SMAP1: variants seen among roughly 807,000 people sequenced by gnomAD.
SMAP1 encodes the protein small ArfGAP 1, also known as stromal membrane-associated protein 1.
Under a neutral mutation model 58.5 loss-of-function variants are expected in SMAP1, and 24 were observed. That is an observed-to-expected ratio of 0.41 (90% CI 0.30 to 0.58). The LOEUF is 0.58. Ranked by LOEUF, SMAP1 falls within the 20% of genes least tolerant of loss-of-function variation. The pLI is 0.29. For missense variants in SMAP1, 563 were observed against 566.3 expected, an observed-to-expected ratio of 0.99 and a Z score of 0.06; for synonymous variants, 216 against 196.6, an observed-to-expected ratio of 1.10 and a Z score of -0.82.
intron 3 of SMAP1, among the ~76,000 whole-genome samples, chr6:70,769,765 ATTG>A (rs1767186741): frequency 6.6e-6 from 1 of 152,020 alleles, no homozygotes; most frequent in Non-Finnish European, 1.5e-5. Context: ...TAAAGTTAAT[ATTG>A]TTATGTGTGA....
intron 1 of SMAP1, among the ~76,000 whole-genome samples, chr6:70,714,529 T>A (rs1447619138): frequency 6.6e-6 from 1 of 152,190 alleles, no homozygotes. Flanking sequence ...ACAATTTAGA[T>A]CTATTGTATT....
chr6:70,758,794 C>T lies in SMAP1; in HGVS notation c.338+3729C>T, dbSNP rs185055971. On this transcript the variant is annotated intron_variant, in intron 3 of 10. Coordinates refer to ENST00000370455, the MANE Select transcript of SMAP1 (RefSeq NM_001044305.3). ...ATTGGCTTTGGTTCTGAGGGAGTCACTAAAATAACCCTGAAATTTCTAGCT... is the reference window on the plus strand; with the variant it reads ...ATTGGCTTTGGTTCTGAGGGAGTCATTAAAATAACCCTGAAATTTCTAGCT... Among the ~76,000 whole-genome samples, 488 of 152,160 alleles carry T rather than the reference C, an allele frequency of 3.2e-3. 2 individuals carry two copies. Among genetic ancestry groups the T allele is most frequent in the Non-Finnish European group, 4.6e-3 (311 of 67,990 alleles).
At chr6:70,734,338 G>C (rs1448651058) in intron 2 of SMAP1, among the ~76,000 whole-genome samples, 1 of 152,166 alleles carries the variant, frequency 6.6e-6, no homozygotes, top group East Asian at 1.9e-4. Context: ...TAGAGGTGGG[G>C]TTTTGCCATG....
rs1235054839 is a variant in SMAP1 at position 70,668,147 on chromosome 6, T to C, written c.118+6T>C. 3 of 1,593,614 alleles carry C rather than the reference T, an allele frequency of 1.9e-6. No individual in the cohort carries two copies. Among genetic ancestry groups the C allele is most frequent in the African/African-American group, 2.8e-5 (2 of 71,978 alleles). ...CGCCGACTGCGAGGCCAAAGGTAGCTTGGACGTCGTCGCTGCCCACGGTCG... is the reference window on the plus strand; with the variant it reads ...CGCCGACTGCGAGGCCAAAGGTAGCCTGGACGTCGTCGCTGCCCACGGTCG... On this transcript the variant is annotated splice_donor_region_variant and intron_variant, in intron 1 of 10. Coordinates refer to ENST00000370455, the MANE Select transcript of SMAP1 (RefSeq NM_001044305.3).
At chr6:70,719,691 G>A (rs894805329) in intron 1 of SMAP1, among the ~76,000 whole-genome samples, 1 of 152,152 alleles carries the variant, frequency 6.6e-6, no homozygotes, top group African/African-American at 2.4e-5. Context: ...GAATCATGGT[G>A]GGAGGCAAAA....
At chr6:70,722,933 C>T (rs1230730089) in intron 1 of SMAP1, among the ~76,000 whole-genome samples, 1 of 152,208 alleles carries the variant, frequency 6.6e-6, no homozygotes. Context: ...TTGTTTATGG[C>T]CAGCTTTGGG....
intron 6 of SMAP1, among the ~76,000 whole-genome samples, chr6:70,815,187 T>TTAGCTGG (rs2149974909): frequency 6.6e-6 from 1 of 152,318 alleles, no homozygotes; most frequent in East Asian, 1.9e-4. Context: ...AGTAATTTAC[T>TTAGCTGG]GTCCCAAGGA....
chr6:70,827,465 C>A (rs140670978), intron 6 of SMAP1, among the ~76,000 whole-genome samples: 1,976 of 152,266 alleles, frequency 0.013, 12 homozygotes, highest in Non-Finnish European at 0.022. Context: ...AGGTCAGCTC[C>A]ACAAATTTAT....
At chr6:70,687,817 G>T (rs570909597) in intron 1 of SMAP1, among the ~76,000 whole-genome samples, 1 of 152,244 alleles carries the variant, frequency 6.6e-6, no homozygotes, top group African/African-American at 2.4e-5. Flanking sequence ...AGTAATTTGT[G>T]TGTGTGTGTG....
intron 4 of SMAP1, among the ~76,000 whole-genome samples, chr6:70,786,892 G>T (rs1026685127): frequency 6.6e-6 from 1 of 152,048 alleles, no homozygotes; most frequent in Non-Finnish European, 1.5e-5. Flanking sequence ...AATTTATAGA[G>T]TCATTGCATC....
At chr6:70,683,036 C>CA (rs1189496789) in intron 1 of SMAP1, among the ~76,000 whole-genome samples, 4 of 151,180 alleles carry the variant, frequency 2.6e-5, no homozygotes, top group East Asian at 3.9e-4. Flanking sequence ...GACTCCATGT[C>CA]AAAAAAAGAG....
At chr6:70,788,044 C>G (rs1167634812) in intron 4 of SMAP1, among the ~76,000 whole-genome samples, 1 of 151,996 alleles carries the variant, frequency 6.6e-6, no homozygotes, top group African/African-American at 2.4e-5. Flanking sequence ...AGACTTGGAA[C>G]CAACCCAAAT....
chr6:70,668,217 G>T lies in SMAP1; in HGVS notation c.118+76G>T, dbSNP rs951555813. 15 of 1,338,096 alleles carry T rather than the reference G, an allele frequency of 1.1e-5. No homozygotes were observed. In the East Asian group the frequency reaches 4.0e-4, roughly 35 times the overall value. The allele number at this position is 1,338,096 out of a possible 1,614,324, so 82.9% of individuals were successfully genotyped here. On this transcript the variant is annotated intron_variant, in intron 1 of 10. Coordinates refer to ENST00000370455, the MANE Select transcript of SMAP1 (RefSeq NM_001044305.3). Reference sequence around the variant, plus strand: ...ACCTTCCCGCCGCTGCGGCGCTCGGGGCCCGAGCGGACGCCTCGGCTTCGC... The same window carrying T: ...ACCTTCCCGCCGCTGCGGCGCTCGGTGCCCGAGCGGACGCCTCGGCTTCGC...
Position 70,860,365 on chromosome 6 carries a change from C to T in SMAP1, c.*31C>T. ...GCAATACAAGTTTCATCCAGAACTA[C>T]CACCTGACATTCCTTGCTGAAACGC... is the stretch of plus-strand genomic sequence containing the variant. On this transcript the variant is annotated 3_prime_UTR_variant, in exon 11 of 11. Transcript: ENST00000370455. 6.3e-7 allele frequency: 1 copy of T among 1,585,582 alleles called. No homozygotes were observed. Among genetic ancestry groups the T allele is most frequent in the Non-Finnish European group, 8.6e-7 (1 of 1,166,236 alleles).
chr6:70,761,396 A>C (rs915710162), intron 3 of SMAP1, among the ~76,000 whole-genome samples: 1 of 151,972 alleles, frequency 6.6e-6, no homozygotes, highest in African/African-American at 2.4e-5. Flanking sequence ...CTCCCTGAAA[A>C]TATTATTGTT....
chr6:70,704,686 T>C (rs75200516), intron 1 of SMAP1, among the ~76,000 whole-genome samples: 15 of 152,308 alleles, frequency 9.8e-5, no homozygotes, highest in African/African-American at 3.6e-4. Flanking sequence ...AATCTTTATA[T>C]AGCAATTTTC....
chr6:70,758,642 A>G (rs1766617172), intron 3 of SMAP1, among the ~76,000 whole-genome samples: 1 of 152,132 alleles, frequency 6.6e-6, no homozygotes, highest in African/African-American at 2.4e-5. Flanking sequence ...GCCTAGAAGC[A>G]GAGAGACCAT....
chr6:70,676,755 C>CTCA (rs1470780317), intron 1 of SMAP1, among the ~76,000 whole-genome samples: 1 of 152,106 alleles, frequency 6.6e-6, no homozygotes, highest in Non-Finnish European at 1.5e-5. Flanking sequence ...GAATTTTTGT[C>CTCA]TCATCACTAA....
intron 4 of SMAP1, among the ~76,000 whole-genome samples, chr6:70,785,110 A>G (rs1381533632): frequency 6.6e-6 from 1 of 152,264 alleles, no homozygotes; most frequent in Non-Finnish European, 1.5e-5. Flanking sequence ...TGTCTCTCAG[A>G]CCACAGTGCA....
Sources: allele counts gnomAD v4.1 joint callset (sites outside exome capture counted in the v4.1 genomes callset), GRCh38; gene constraint gnomAD v4.1.1; transcripts MANE v1.5; gene names NCBI Gene and HGNC (gene_info 2026-07-23, HGNC 2026-07-21).